The following GPR176 variants were observed in gnomAD, a reference collection of about 807,000 sequenced individuals.
The protein encoded by GPR176 is G protein-coupled receptor 176.
A neutral mutation model predicts 35.4 loss-of-function variants in GPR176; 26 were observed. The observed-to-expected ratio is 0.74, with a 90% CI of 0.54 to 1.02. The LOEUF is 1.02. Among genes scored for constraint, GPR176 ranks in the 50% least tolerant of loss-of-function variants. The pLI is 0.00. For synonymous variants in GPR176, 278 were observed against 271.3 expected (o/e 1.02, Z -0.24); for missense variants, 597 against 665.3 (o/e 0.90, Z 1.13).
rs1389020015 is a variant in GPR176 at position 39,801,258 on chromosome 15, C to T, written c.1422G>A (p.Arg474=). ...WLSETRNSKK[R]LLPPLGNTPE... is the part of the protein sequence containing the mutation. ...GGGTGTTGCCCAAGGGGGGAAGCAG[C>T]CGCTTCTTGCTGTTTCGGGTCTCTG... The change falls in exon 3 of 3, where the codon CGG becomes CGA. Residue 474 remains arginine, a synonymous_variant. Coordinates refer to ENST00000561100, the MANE Select transcript of GPR176 (RefSeq NM_007223.3). 11 of 1,614,070 alleles carry T rather than the reference C, an allele frequency of 6.8e-6. No individual in the cohort carries two copies. The highest frequency in any genetic ancestry group is 8.5e-6 in the Non-Finnish European group (10 of 1,180,012).
chr15:39,861,456 G>A (rs2031581894), intron 1 of GPR176, among the ~76,000 whole-genome samples: 1 of 151,970 alleles, frequency 6.6e-6, no homozygotes, highest in Non-Finnish European at 1.5e-5. Flanking sequence ...GGCTGAAGCA[G>A]GAGAATCACT....
At chr15:39,910,574 A>T (rs1161007662) in intron 1 of GPR176, among the ~76,000 whole-genome samples, 2 of 152,084 alleles carry the variant, frequency 1.3e-5, no homozygotes, top group Non-Finnish European at 2.9e-5. Context: ...AAAAAAAAAA[A>T]TACCAACTTC....
At position 39,802,180 on chromosome 15, in the gene GPR176, C is replaced by T. The variant is rs1220263372; in HGVS notation, c.500G>A (p.Trp167Ter). The T allele has an allele frequency of 6.2e-7, 1 of 1,614,064 alleles. No homozygotes were observed. The highest frequency in any genetic ancestry group is 1.7e-5 in the Admixed American group (1 of 60,022). ...AKSRELVMYI[W>*]AHAVVASVPV... ...GACACTGGCCACCACTGCATGGGCC[C>T]AGATGTACATCACCAGTTCACGGGA... The change falls in exon 3 of 3, where the codon TGG becomes TAG. Residue 167 changes from tryptophan to a stop codon, truncating the protein, a stop_gained. Transcript: ENST00000561100. LOFTEE classifies it high-confidence loss of function.
At chr15:39,863,782 A>G (rs964060328) in intron 1 of GPR176, among the ~76,000 whole-genome samples, 2 of 152,226 alleles carry the variant, frequency 1.3e-5, no homozygotes, top group South Asian at 2.1e-4. Flanking sequence ...ATACTTAACC[A>G]CTGTGTAATA....
intron 1 of GPR176, among the ~76,000 whole-genome samples, chr15:39,900,432 T>C (rs1282096874): frequency 1.3e-5 from 2 of 152,232 alleles, no homozygotes; most frequent in South Asian, 2.1e-4. Context: ...ATGTAGCCTT[T>C]GCATTCATGC....
chr15:39,891,407 G>A (rs1239380574), intron 1 of GPR176, among the ~76,000 whole-genome samples: 1 of 152,150 alleles, frequency 6.6e-6, no homozygotes, highest in Non-Finnish European at 1.5e-5. Flanking sequence ...CGCCCAGGCT[G>A]GAGTGCAGTG....
chr15:39,893,120 T>A (rs1240098877), intron 1 of GPR176, among the ~76,000 whole-genome samples: 4 of 152,206 alleles, frequency 2.6e-5, no homozygotes, highest in African/African-American at 4.8e-5. Context: ...TTATTTATTT[T>A]TTATTGATAA....
intron 1 of GPR176, among the ~76,000 whole-genome samples, chr15:39,882,282 C>T (rs2032504966): frequency 6.6e-6 from 1 of 152,138 alleles, no homozygotes; most frequent in South Asian, 2.1e-4. Flanking sequence ...TTATTAATGG[C>T]TCTATCAAAC....
At chr15:39,822,838 G>A (rs890807481) in intron 1 of GPR176, among the ~76,000 whole-genome samples, 1 of 152,128 alleles carries the variant, frequency 6.6e-6, no homozygotes, top group Non-Finnish European at 1.5e-5. Context: ...TCCCTGATAA[G>A]TAGCTGTTGG....
At chr15:39,844,210 A>G (rs915098815) in intron 1 of GPR176, among the ~76,000 whole-genome samples, 10 of 152,148 alleles carry the variant, frequency 6.6e-5, no homozygotes, top group African/African-American at 2.4e-4. Context: ...GTCCGGATTC[A>G]TGAATATTAC....
chr15:39,804,593 G>A (rs1208053308), intron 2 of GPR176, among the ~76,000 whole-genome samples: 7 of 149,748 alleles, frequency 4.7e-5, no homozygotes, highest in Admixed American at 6.7e-5. Flanking sequence ...TCAGAATAAT[G>A]TATTCTCCTT....
chr15:39,811,072 T>G (rs1430100919), intron 1 of GPR176, among the ~76,000 whole-genome samples: 1 of 152,266 alleles, frequency 6.6e-6, no homozygotes, highest in East Asian at 1.9e-4. Flanking sequence ...AACCTAACTA[T>G]GCATTTATAT....
chr15:39,876,264 G>T (rs891349539), intron 1 of GPR176, among the ~76,000 whole-genome samples: 2 of 152,046 alleles, frequency 1.3e-5, no homozygotes, highest in African/African-American at 4.8e-5. Context: ...TTCTTTCATG[G>T]TCCTACTAAC....
At chr15:39,891,376 A>G (rs1042136284) in intron 1 of GPR176, among the ~76,000 whole-genome samples, 7 of 152,208 alleles carry the variant, frequency 4.6e-5, no homozygotes, top group African/African-American at 1.7e-4. Flanking sequence ...TTTTGTTGTT[A>G]AAGATGAGTT....
chr15:39,874,813 G>C (rs1322420451), intron 1 of GPR176, among the ~76,000 whole-genome samples: 1 of 152,192 alleles, frequency 6.6e-6, no homozygotes, highest in Non-Finnish European at 1.5e-5. Flanking sequence ...GGGGGCCAAG[G>C]CAGGTGGATC....
At chr15:39,843,180 C>CTT (rs1307680322) in intron 1 of GPR176, among the ~76,000 whole-genome samples, 1 of 151,956 alleles carries the variant, frequency 6.6e-6, no homozygotes, top group East Asian at 1.9e-4. Flanking sequence ...ATAAGAGTGG[C>CTT]TGTCATGTGG....
intron 1 of GPR176, among the ~76,000 whole-genome samples, chr15:39,821,461 T>G (rs1358320531): frequency 6.6e-6 from 1 of 152,246 alleles, no homozygotes; most frequent in Non-Finnish European, 1.5e-5. Flanking sequence ...CCCTTGGTGT[T>G]ATTCTTATAA....
At chr15:39,809,655 C>T (rs1899415991) in intron 1 of GPR176, among the ~76,000 whole-genome samples, 3 of 152,152 alleles carry the variant, frequency 2.0e-5, no homozygotes, top group Admixed American at 2.0e-4. Context: ...TCCCATTATA[C>T]TTTCTAATGT....
intron 1 of GPR176, among the ~76,000 whole-genome samples, chr15:39,844,584 G>A (rs903229570): frequency 2.5e-4 from 38 of 150,532 alleles, no homozygotes; most frequent in African/African-American, 6.1e-4. Context: ...TGCCCCCACC[G>A]CCTACTGAAA....
Sources: allele counts gnomAD v4.1 joint callset (sites outside exome capture counted in the v4.1 genomes callset), GRCh38; gene constraint gnomAD v4.1.1; transcripts MANE v1.5; gene names NCBI Gene and HGNC (gene_info 2026-07-23, HGNC 2026-07-21).